TTLL5: variants seen among roughly 807,000 people sequenced by gnomAD.
The protein encoded by TTLL5 is tubulin tyrosine ligase like 5.
In TTLL5, 132 loss-of-function variants were observed where a neutral mutation model predicts 168.4. That is an observed-to-expected ratio of 0.78 (90% CI 0.68 to 0.91). TTLL5 has a LOEUF of 0.91. Ranked by LOEUF, TTLL5 falls within the 40% of genes least tolerant of loss-of-function variation. The probability of loss-of-function intolerance (pLI) is 0.00; values close to 1 mark genes in which losing one functional copy is unlikely to be tolerated. For missense variants in TTLL5, 1,545 were observed against 1,581.5 expected, an observed-to-expected ratio of 0.98 and a Z score of 0.39; for synonymous variants, 546 against 558.6, an observed-to-expected ratio of 0.98 and a Z score of 0.32.
At chr14:75,788,975 AAAT>A (rs1173861543) in intron 26 of TTLL5, among the ~76,000 whole-genome samples, 4 of 152,196 alleles carry the variant, frequency 2.6e-5, no homozygotes, top group Admixed American at 6.5e-5. Flanking sequence ...TTTGCCATGT[AAAT>A]ATAATAAAGA....
chr14:75,805,001 T>C (rs994460908), intron 27 of TTLL5, among the ~76,000 whole-genome samples: 1 of 152,166 alleles, frequency 6.6e-6, no homozygotes, highest in Non-Finnish European at 1.5e-5. Context: ...TCATCTTACT[T>C]GTACTGCCAA....
chr14:75,664,217 T>C (rs1883092947), intron 2 of TTLL5, among the ~76,000 whole-genome samples: 1 of 152,244 alleles, frequency 6.6e-6, no homozygotes, highest in Non-Finnish European at 1.5e-5. Context: ...CTCAGTCTTA[T>C]CAGGAAATTT....
chr14:75,874,193 A>G (rs2031275274), intron 29 of TTLL5, among the ~76,000 whole-genome samples: 2 of 152,006 alleles, frequency 1.3e-5, no homozygotes, highest in South Asian at 4.2e-4. Flanking sequence ...CCAGGTTCAC[A>G]CCGTTCTCCT....
At chr14:75,783,577 G>C (rs1243689801) in intron 26 of TTLL5, 47 bp downstream of exon 26, 2 of 1,576,754 alleles carry the variant, frequency 1.3e-6, no homozygotes, top group Admixed American at 3.7e-5. Flanking sequence ...CTCCTCCCCA[G>C]CCCCAATAAA....
intron 31 of TTLL5, among the ~76,000 whole-genome samples, chr14:75,924,094 T>C (rs1476656336): frequency 6.6e-6 from 1 of 151,696 alleles, no homozygotes; most frequent in Admixed American, 6.6e-5. Flanking sequence ...GTCCATCCCT[T>C]TGTTTTGAGC....
chr14:75,917,515 C>T (rs1373325721), intron 31 of TTLL5, among the ~76,000 whole-genome samples: 1 of 152,230 alleles, frequency 6.6e-6, no homozygotes, highest in African/African-American at 2.4e-5. Flanking sequence ...TGGTTGTTAT[C>T]TCAAATGGCT....
rs141600676 is a variant in TTLL5 at position 75,745,663 on chromosome 14, C to A, written c.1487+82C>A. 139 of 1,060,180 alleles carry A rather than the reference C, an allele frequency of 1.3e-4. 1 individual carries two copies. In the East Asian group the frequency reaches 3.3e-3, roughly 25 times the overall value. The allele number at this position is 1,060,180 out of a possible 1,614,324, so 65.7% of individuals were successfully genotyped here. On this transcript the variant is annotated intron_variant, in intron 17 of 31. Coordinates refer to ENST00000298832, the MANE Select transcript of TTLL5 (RefSeq NM_015072.5). ...ATTGTGATACACTGTCATCACTGCT[C>A]CCCCCGATGATGCTTTTCTTATTTT...
rs146994623 is a variant in TTLL5 at position 75,875,587 on chromosome 14, C to A, written c.3523-7098C>A. Among the ~76,000 whole-genome samples, 6 of 151,874 alleles carry A rather than the reference C, an allele frequency of 4.0e-5. No homozygotes were observed. The East Asian group carries it at 1.2e-3, about 29-fold the overall frequency. On this transcript the variant is annotated intron_variant, in intron 29 of 31. Coordinates refer to ENST00000298832, the MANE Select transcript of TTLL5 (RefSeq NM_015072.5). ...ATATTGTGAACATATTTACATATTT[C>A]CATAGCTTCAAATATAGATGTATCT...
At chr14:75,735,366 G>A (rs1018431754) in intron 15 of TTLL5, 77 bp downstream of exon 15, 3 of 1,412,138 alleles carry the variant, frequency 2.1e-6, no homozygotes, top group Admixed American at 1.7e-5. Flanking sequence ...GGGAGCAGAA[G>A]CACTGTGGGT....
At chr14:75,932,649 T>C (rs1477247419) in intron 31 of TTLL5, among the ~76,000 whole-genome samples, 2 of 152,248 alleles carry the variant, frequency 1.3e-5, no homozygotes, top group Non-Finnish European at 2.9e-5. Context: ...TAGTAGCTTC[T>C]ATTCTCATTC....
At chr14:75,847,962 C>T (rs1377089489) in intron 28 of TTLL5, among the ~76,000 whole-genome samples, 1 of 107,548 alleles carries the variant, frequency 9.3e-6, no homozygotes, top group Non-Finnish European at 2.0e-5. Context: ...TCTTTTCTTC[C>T]CTTTGGTGCT....
chr14:75,879,717 A>G (rs1029393548), intron 29 of TTLL5, among the ~76,000 whole-genome samples: 2 of 152,226 alleles, frequency 1.3e-5, no homozygotes, highest in African/African-American at 4.8e-5. Context: ...GAGCTGAGGT[A>G]CATTTGACCG....
In TTLL5 at chr14:75,745,115, C is replaced by T. The variant is rs781045282; in HGVS notation, c.1302C>T (p.Ala434=). 1.9e-6 allele frequency: 3 copies of T among 1,613,794 alleles called. No individual in the cohort carries two copies. Among genetic ancestry groups the T allele is most frequent in the Non-Finnish European group, 1.7e-6 (2 of 1,179,844 alleles). The change falls in exon 16 of 32, where the codon GCC becomes GCT. Residue 434 remains alanine, a synonymous_variant. Transcript: ENST00000298832. ...QKPQRCRPLS[A]SDAEMKNLVG... Reference sequence around the variant, plus strand: ...CTTAGCGTTGCCGTCCACTCTCTGCCAGTGATGCGGAAATGAAAAACCTCG... The same window carrying T: ...CTTAGCGTTGCCGTCCACTCTCTGCTAGTGATGCGGAAATGAAAAACCTCG...
intron 29 of TTLL5, among the ~76,000 whole-genome samples, chr14:75,866,594 G>C (rs2030536421): frequency 6.6e-6 from 1 of 152,196 alleles, no homozygotes; most frequent in Non-Finnish European, 1.5e-5. Flanking sequence ...TCTGGGGAAA[G>C]TTCATGCAGC....
intron 5 of TTLL5, among the ~76,000 whole-genome samples, chr14:75,686,286 C>T (rs1447295104): frequency 6.6e-6 from 1 of 152,024 alleles, no homozygotes; most frequent in Non-Finnish European, 1.5e-5. Context: ...TAATTATTAC[C>T]CTGGTTTTAA....
intron 5 of TTLL5, 36 bp from the exon 6 acceptor site, chr14:75,690,156 A>G (rs933015614): frequency 6.2e-7 from 1 of 1,612,222 alleles, no homozygotes; most frequent in Non-Finnish European, 8.5e-7. Flanking sequence ...TCTGAGTCAT[A>G]GTTTACTGAA....
intron 30 of TTLL5, among the ~76,000 whole-genome samples, chr14:75,900,960 T>C (rs1174922368): frequency 5.3e-5 from 8 of 152,342 alleles, no homozygotes; most frequent in South Asian, 4.1e-4. Flanking sequence ...TTGATAAATA[T>C]TTCTTGTGTG....
rs563274126 is a variant in TTLL5, at chr14:75,876,841, G to A, written c.3523-5844G>A. The stretch of plus-strand genomic sequence containing the variant: ...CTCTCACTCTCACCTTGGCTGCAAG[G>A]TTTTTACAGCATCACAGGGTTGCAT... On this transcript the variant is annotated intron_variant, in intron 29 of 31. Coordinates refer to ENST00000298832, the MANE Select transcript of TTLL5 (RefSeq NM_015072.5). Among the ~76,000 whole-genome samples the A allele has an allele frequency of 1.6e-4, 25 of 152,320 alleles. 1 individual carries two copies. Among genetic ancestry groups the A allele is most frequent in the Admixed American group, 1.4e-3 (21 of 15,300 alleles).
chr14:75,881,752 A>G (rs2031823779), intron 29 of TTLL5, among the ~76,000 whole-genome samples: 2 of 152,164 alleles, frequency 1.3e-5, no homozygotes, highest in South Asian at 4.1e-4. Flanking sequence ...TCTTAATATT[A>G]TTTCTCATTT....
Sources: allele counts gnomAD v4.1 joint callset (sites outside exome capture counted in the v4.1 genomes callset), GRCh38; gene constraint gnomAD v4.1.1; transcripts MANE v1.5; gene names NCBI Gene and HGNC (gene_info 2026-07-23, HGNC 2026-07-21).